Variants in MLIP observed in about 807,000 individuals in gnomAD.
MLIP encodes muscular LMNA-interacting protein.
Under a neutral mutation model 84.8 loss-of-function variants are expected in MLIP, and 79 were observed. The ratio of observed to expected loss-of-function variants is 0.93; its 90% CI spans 0.78 to 1.12. The LOEUF is 1.12. Ranked by LOEUF, MLIP falls within the 50% of genes most tolerant of loss-of-function variation. The pLI is 0.00. For missense variants in MLIP, 1,257 were observed against 1,160.6 expected (o/e 1.08, Z -1.21); for synonymous variants, 504 against 463.0 (o/e 1.09, Z -1.14).
rs529334537 is a variant in MLIP, at chr6:54,236,944, T to A, written c.2922+6027T>A. Among the ~76,000 whole-genome samples the A allele has an allele frequency of 2.3e-4, 35 of 152,246 alleles. No homozygotes were observed. The South Asian group carries it at 6.8e-3, about 30-fold the overall frequency. On this transcript the variant is annotated intron_variant, in intron 12 of 13. Transcript: ENST00000502396. ...TGAAAATGTAACCAGAGACTTGCAA[T>A]AACCTAATCCAGGTTTTCCCCAGGA...
At chr6:54,164,390 T>A (rs1223140710) in intron 8 of MLIP, among the ~76,000 whole-genome samples, 3 of 152,020 alleles carry the variant, frequency 2.0e-5, no homozygotes, top group African/African-American at 7.2e-5. Context: ...AAGATTTTGG[T>A]CAGTATCTAT....
At chr6:54,105,027 G>A (rs563219027) in intron 1 of MLIP, among the ~76,000 whole-genome samples, 5 of 152,300 alleles carry the variant, frequency 3.3e-5, no homozygotes, top group South Asian at 2.1e-4. Context: ...AGAAGGGCAC[G>A]TTGGATAACG....
intron 12 of MLIP, among the ~76,000 whole-genome samples, chr6:54,247,782 C>T (rs1562102937): frequency 6.6e-6 from 1 of 152,084 alleles, no homozygotes. Context: ...CCCTCCTCAA[C>T]CAACTCTTGG....
intron 11 of MLIP, among the ~76,000 whole-genome samples, chr6:54,220,024 T>G (rs1479894556): frequency 6.6e-6 from 1 of 152,134 alleles, no homozygotes; most frequent in Non-Finnish European, 1.5e-5. Flanking sequence ...GATACAAGCA[T>G]AAGCAACAAG....
intron 1 of MLIP, among the ~76,000 whole-genome samples, chr6:54,113,928 C>T (rs772381641): frequency 6.6e-6 from 1 of 152,164 alleles, no homozygotes; most frequent in Non-Finnish European, 1.5e-5. Flanking sequence ...ATACTTGCCA[C>T]ATCCTGCCAA....
chr6:54,254,673 C>T (rs1782867914), intron 12 of MLIP, among the ~76,000 whole-genome samples: 2 of 151,916 alleles, frequency 1.3e-5, no homozygotes, highest in South Asian at 4.2e-4. Flanking sequence ...TAGAGTTACC[C>T]AGAAAACTTG....
At chr6:54,044,409 G>C (rs1057149672) in intron 1 of MLIP, among the ~76,000 whole-genome samples, 6 of 152,190 alleles carry the variant, frequency 3.9e-5, no homozygotes, top group Admixed American at 1.3e-4. Flanking sequence ...AAATCCGATT[G>C]CTGTGGCCCA....
intron 1 of MLIP, among the ~76,000 whole-genome samples, chr6:54,049,454 T>G (rs1483486540): frequency 6.6e-6 from 1 of 152,194 alleles, no homozygotes; most frequent in Non-Finnish European, 1.5e-5. Flanking sequence ...GCAGAAATAC[T>G]GACACAAATG....
At chr6:54,208,927 G>A (rs1010263040) in intron 11 of MLIP, among the ~76,000 whole-genome samples, 2 of 152,138 alleles carry the variant, frequency 1.3e-5, no homozygotes, top group Admixed American at 6.5e-5. Context: ...AGTATGCTTA[G>A]GAAATGCAAT....
At chr6:54,178,892 G>T (rs1776571725) in intron 9 of MLIP, among the ~76,000 whole-genome samples, 1 of 152,182 alleles carries the variant, frequency 6.6e-6, no homozygotes, top group Non-Finnish European at 1.5e-5. Context: ...AAAATGTTCT[G>T]TAAATATCTA....
At chr6:54,160,652 A>G (rs1372426276) in intron 7 of MLIP, 53 bp downstream of exon 7, 3 of 1,533,266 alleles carry the variant, frequency 2.0e-6, no homozygotes, top group Non-Finnish European at 2.7e-6. Flanking sequence ...GCTTCTCTTC[A>G]TTTTCCTCTA....
chr6:54,225,069 T>C (rs1780486726), intron 11 of MLIP, among the ~76,000 whole-genome samples: 1 of 152,218 alleles, frequency 6.6e-6, no homozygotes, highest in Non-Finnish European at 1.5e-5. Context: ...AGCATCTTTT[T>C]TGAATAATGA....
At chr6:54,020,496 G>C (rs978103005) in intron 1 of MLIP, among the ~76,000 whole-genome samples, 1 of 152,184 alleles carries the variant, frequency 6.6e-6, no homozygotes, top group African/African-American at 2.4e-5. Context: ...TGAATAATTG[G>C]TTGCTATGAA....
intron 8 of MLIP, among the ~76,000 whole-genome samples, chr6:54,167,262 A>G (rs926592555): frequency 6.6e-6 from 1 of 151,866 alleles, no homozygotes; most frequent in Non-Finnish European, 1.5e-5. Context: ...CAAAGTCCTC[A>G]CAAGGTCCTG....
intron 12 of MLIP, among the ~76,000 whole-genome samples, chr6:54,236,622 C>G (rs1451446518): frequency 2.9e-4 from 44 of 151,976 alleles, no homozygotes; most frequent in Non-Finnish European, 7.4e-5. Flanking sequence ...AAAAAATTGT[C>G]CTTTTTGCAT....
Position 54,212,860 on chromosome 6 carries a change from G to C in MLIP, c.2718+10627G>C, listed in dbSNP as rs111721363. 2.0e-4 allele frequency among the ~76,000 whole-genome samples: 30 copies of C among 152,238 alleles called. 1 individual carries two copies. Among genetic ancestry groups the C allele is most frequent in the African/African-American group, 7.0e-4 (29 of 41,522 alleles). On this transcript the variant is annotated intron_variant, in intron 11 of 13. Transcript: ENST00000502396. ...ATTTAGTGGTTTTTTAAAGGGTCTT[G>C]GCATTTGCTACTTAAGTTACCTTTT...
At chr6:54,026,395 T>C (rs1482015143) in intron 1 of MLIP, among the ~76,000 whole-genome samples, 3 of 152,204 alleles carry the variant, frequency 2.0e-5, no homozygotes, top group Non-Finnish European at 4.4e-5. Context: ...ACTAAGTAGT[T>C]GAAAAACTTA....
chr6:54,042,796 C>T (rs1764821262), intron 1 of MLIP, among the ~76,000 whole-genome samples: 1 of 152,156 alleles, frequency 6.6e-6, no homozygotes, highest in Non-Finnish European at 1.5e-5. Context: ...AAGCTAACAT[C>T]AGTTGAGTAA....
chr6:54,235,634 A>G (rs2150818993), intron 12 of MLIP, among the ~76,000 whole-genome samples: 1 of 152,336 alleles, frequency 6.6e-6, no homozygotes, highest in East Asian at 1.9e-4. Flanking sequence ...CTTTTTCACT[A>G]GGAGCCCCAG....
Sources: allele counts gnomAD v4.1 joint callset (sites outside exome capture counted in the v4.1 genomes callset), GRCh38; gene constraint gnomAD v4.1.1; transcripts MANE v1.5; gene names NCBI Gene and HGNC (gene_info 2026-07-23, HGNC 2026-07-21).